Variants in MYO16 observed in about 807,000 individuals in gnomAD.
MYO16 encodes unconventional myosin-XVI.
MYO16 carries 94 observed loss-of-function variants against 205.3 expected under a neutral mutation model. That is an observed-to-expected ratio of 0.46 (90% CI 0.39 to 0.54). MYO16 has a LOEUF of 0.54. Ranked by LOEUF, MYO16 falls within the 20% of genes least tolerant of loss-of-function variation. MYO16 has a pLI of 0.00. For synonymous variants in MYO16, 988 were observed against 954.0 expected (o/e 1.04, Z -0.66); for missense variants, 2,315 against 2,387.5 (o/e 0.97, Z 0.63).
At chr13:109,050,547 T>A (rs1367961348) in intron 24 of MYO16, among the ~76,000 whole-genome samples, 2 of 152,218 alleles carry the variant, frequency 1.3e-5, no homozygotes, top group Non-Finnish European at 2.9e-5. Flanking sequence ...TGAAACTATG[T>A]AAATATTCTG....
chr13:109,197,475 T>C (rs1487567721), intron 34 of MYO16, among the ~76,000 whole-genome samples: 2 of 152,142 alleles, frequency 1.3e-5, no homozygotes, highest in Non-Finnish European at 2.9e-5. Context: ...ACGTGGGCCA[T>C]GCATTCATAC....
rs183178358 is a variant in MYO16 at position 108,706,385 on chromosome 13, A to G, written c.293-6276A>G. 2.0e-5 allele frequency among the ~76,000 whole-genome samples: 3 copies of G among 152,304 alleles called. No homozygotes were observed. The East Asian group carries it at 5.8e-4, about 29-fold the overall frequency. ...AACATGATGATAATGCTGAACATAT[A>G]TCTCAGTGTGATCCTTGAGGAGGAG... On this transcript the variant is annotated intron_variant, in intron 2 of 34. Transcript: ENST00000457511.
chr13:109,191,459 A>G (rs949816272), intron 34 of MYO16, among the ~76,000 whole-genome samples: 6 of 152,174 alleles, frequency 3.9e-5, no homozygotes, highest in African/African-American at 1.4e-4. Context: ...CAGGGTAAGC[A>G]GGGTTGGGAG....
intron 5 of MYO16, among the ~76,000 whole-genome samples, chr13:108,791,978 G>A (rs1886630148): frequency 6.6e-6 from 1 of 152,186 alleles, no homozygotes; most frequent in Non-Finnish European, 1.5e-5. Flanking sequence ...AGAGTGGCTG[G>A]TTCATAGCAA....
At chr13:108,998,026 T>C (rs1885092675) in intron 21 of MYO16, among the ~76,000 whole-genome samples, 1 of 152,150 alleles carries the variant, frequency 6.6e-6, no homozygotes, top group East Asian at 1.9e-4. Context: ...TTTGGAAAAA[T>C]TGAGATACTT....
chr13:109,038,546 T>C (rs1052824345), intron 23 of MYO16, among the ~76,000 whole-genome samples: 1 of 152,110 alleles, frequency 6.6e-6, no homozygotes, highest in Non-Finnish European at 1.5e-5. Context: ...GGTCTCCAGC[T>C]TGCAGATGGC....
Position 108,821,431 on chromosome 13 carries a change from C to T in MYO16, c.943+1019C>T, listed in dbSNP as rs536508338. On this transcript the variant is annotated intron_variant, in intron 8 of 34. Coordinates refer to ENST00000457511, the MANE Select transcript of MYO16 (RefSeq NM_001198950.3). ...GAATCAAGCTAATATTACTTATAGTCTAGTAATCTTAACATTAACTATATT... is the reference window on the plus strand; with the variant it reads ...GAATCAAGCTAATATTACTTATAGTTTAGTAATCTTAACATTAACTATATT... Among the ~76,000 whole-genome samples the T allele has an allele frequency of 5.9e-5, 9 of 152,204 alleles. No homozygotes were observed. In the South Asian group the frequency reaches 1.7e-3, roughly 28 times the overall value.
chr13:108,981,270 T>G (rs553480930), intron 20 of MYO16, among the ~76,000 whole-genome samples: 49 of 152,314 alleles, frequency 3.2e-4, no homozygotes, highest in African/African-American at 1.2e-3. Context: ...TATGCATTTA[T>G]TGAAATGATA....
chr13:109,163,176 G>T (rs1167885970), intron 32 of MYO16, among the ~76,000 whole-genome samples: 1 of 152,036 alleles, frequency 6.6e-6, no homozygotes, highest in African/African-American at 2.4e-5. Context: ...GGCAGAACAG[G>T]CTGTGCTCTG....
intron 2 of MYO16, among the ~76,000 whole-genome samples, chr13:108,669,532 G>A (rs1370779101): frequency 6.6e-6 from 1 of 152,110 alleles, no homozygotes; most frequent in Admixed American, 6.5e-5. Flanking sequence ...GCAAGTGTAT[G>A]TGCTGATAAA....
chr13:108,520,189 T>C, the MYO16 span, among the ~76,000 whole-genome samples: 2 of 152,180 alleles, frequency 1.3e-5, no homozygotes, highest in East Asian at 3.8e-4. Flanking sequence ...ACCATCATGG[T>C]GTTCTAATTT....
At chr13:109,195,840 T>C (rs902624599) in intron 34 of MYO16, among the ~76,000 whole-genome samples, 2 of 152,210 alleles carry the variant, frequency 1.3e-5, no homozygotes, top group African/African-American at 4.8e-5. Context: ...TTACATTTAT[T>C]AATATGATCC....
intron 11 of MYO16, among the ~76,000 whole-genome samples, chr13:108,862,239 C>T (rs117787229): frequency 0.015 from 2,265 of 152,222 alleles, 28 homozygotes; most frequent in Non-Finnish European, 0.023. Flanking sequence ...ATGTTAAAAT[C>T]CTGAAAGCTG....
At chr13:108,955,571 C>A (rs979201119) in intron 16 of MYO16, among the ~76,000 whole-genome samples, 2 of 152,170 alleles carry the variant, frequency 1.3e-5, no homozygotes, top group Non-Finnish European at 2.9e-5. Context: ...GTCACCTTCT[C>A]CAGCCAGGCG....
At chr13:108,752,792 C>T (rs1290776046) in intron 4 of MYO16, among the ~76,000 whole-genome samples, 1 of 146,310 alleles carries the variant, frequency 6.8e-6, no homozygotes, top group Non-Finnish European at 1.5e-5. Flanking sequence ...CAGACACCTG[C>T]CACCGTGCCC....
chr13:108,499,245 A>G, the MYO16 span, among the ~76,000 whole-genome samples: 1 of 152,222 alleles, frequency 6.6e-6, no homozygotes, highest in Non-Finnish European at 1.5e-5. Context: ...CTATAGTGAC[A>G]TTTCCTGAAA....
chr13:108,790,674 C>T (rs535992437), intron 5 of MYO16, among the ~76,000 whole-genome samples: 50 of 152,170 alleles, frequency 3.3e-4, no homozygotes, highest in African/African-American at 1.1e-3. Flanking sequence ...GTGATTTGGG[C>T]TACTTTCCTG....
chr13:108,964,671 TG>T, intron 19 of MYO16, 89 bp from the exon 20 acceptor site: 1 of 1,327,888 alleles, frequency 7.5e-7, no homozygotes, highest in Non-Finnish European at 1.0e-6. Context: ...TGTGGATGTG[TG>T]GGGAATTAAT....
chr13:109,005,577 C>T (rs1885361580), intron 21 of MYO16, among the ~76,000 whole-genome samples: 1 of 152,104 alleles, frequency 6.6e-6, no homozygotes, highest in Non-Finnish European at 1.5e-5. Flanking sequence ...ATTAAAATAA[C>T]TCCATCAGGT....
Sources: gnomAD v4.1 joint callset for allele counts (sites outside exome capture counted in the v4.1 genomes callset) on GRCh38, gnomAD v4.1.1 for gene constraint, MANE v1.5 for transcripts, NCBI Gene and HGNC (gene_info 2026-07-23, HGNC 2026-07-21) for gene names.